TBC1D22A: variants seen among roughly 807,000 people sequenced by gnomAD.
TBC1D22A encodes putative GTPase activator.
A neutral mutation model predicts 60.2 loss-of-function variants in TBC1D22A; 38 were observed. The ratio of observed to expected loss-of-function variants is 0.63; its 90% CI spans 0.49 to 0.83. The LOEUF is 0.83. Among genes scored for constraint, TBC1D22A ranks in the 40% least tolerant of loss-of-function variants. The probability of loss-of-function intolerance (pLI) is 0.00; values close to 1 mark genes in which losing one functional copy is unlikely to be tolerated. For synonymous variants in TBC1D22A, 302 were observed against 281.7 expected (o/e 1.07, Z -0.72); for missense variants, 628 against 701.0 (o/e 0.90, Z 1.18).
intron 10 of TBC1D22A, among the ~76,000 whole-genome samples, chr22:47,032,775 T>G (rs941235206): frequency 1.3e-5 from 2 of 152,196 alleles, no homozygotes; most frequent in Non-Finnish European, 2.9e-5. Context: ...CAGAGCTTCA[T>G]TCACGCCAGT....
At chr22:47,034,967 C>T (rs1028869661) in intron 10 of TBC1D22A, among the ~76,000 whole-genome samples, 4 of 152,120 alleles carry the variant, frequency 2.6e-5, no homozygotes, top group African/African-American at 4.8e-5. Context: ...GAGGCACCAG[C>T]GTTCCCAGCC....
At chr22:46,958,114 G>A (rs6009071) in intron 8 of TBC1D22A, among the ~76,000 whole-genome samples, 19,367 of 152,122 alleles carry the variant, frequency 0.13, 3,022 homozygotes, top group African/African-American at 0.38. Flanking sequence ...AGTGTTGAGT[G>A]TGGCTCTCAT....
intron 8 of TBC1D22A, chr22:46,913,571 G>C: frequency 1.7e-6 from 2 of 1,185,164 alleles, no homozygotes; most frequent in Non-Finnish European, 2.1e-6. Flanking sequence ...TCTTAAGTAG[G>C]GGAGAGGCTA....
chr22:46,987,682 C>T (rs1045863094), intron 9 of TBC1D22A, among the ~76,000 whole-genome samples: 14 of 152,284 alleles, frequency 9.2e-5, no homozygotes, highest in South Asian at 2.1e-4. Context: ...ATCATCTGAG[C>T]CTTCAGCAAG....
chr22:46,932,720 CTTTTTT>C (rs67463903), intron 8 of TBC1D22A, among the ~76,000 whole-genome samples: 4 of 66,320 alleles, frequency 6.0e-5, no homozygotes, highest in African/African-American at 2.7e-4. Flanking sequence ...GTCCTTCTTG[CTTTTTT>C]TTTTTTTTTT....
chr22:47,125,798 C>A (rs2066431309), intron 12 of TBC1D22A, among the ~76,000 whole-genome samples: 1 of 152,198 alleles, frequency 6.6e-6, no homozygotes. Context: ...TGGAGAGGGA[C>A]CCGCATGCGG....
At chr22:46,968,538 G>A (rs112976825) in intron 8 of TBC1D22A, among the ~76,000 whole-genome samples, 1 of 147,604 alleles carries the variant, frequency 6.8e-6, no homozygotes, top group Non-Finnish European at 1.5e-5. Flanking sequence ...CTCACTGCGT[G>A]GCCGGCGGTC....
At chr22:46,861,482 G>C (rs761201166) in intron 4 of TBC1D22A, among the ~76,000 whole-genome samples, 10 of 152,176 alleles carry the variant, frequency 6.6e-5, no homozygotes, top group Non-Finnish European at 1.3e-4. Context: ...AGACCCCAGG[G>C]GGCCCTCCCC....
chr22:46,864,347 G>A (rs553501572), intron 4 of TBC1D22A, among the ~76,000 whole-genome samples: 21 of 152,156 alleles, frequency 1.4e-4, no homozygotes, highest in Non-Finnish European at 1.5e-4. Context: ...CCCTTGCTGC[G>A]GTTTGGGCTC....
chr22:46,814,024 C>T (rs1022836223), intron 4 of TBC1D22A, among the ~76,000 whole-genome samples: 3 of 152,240 alleles, frequency 2.0e-5, no homozygotes, highest in African/African-American at 7.2e-5. Context: ...TCTGCCTTTC[C>T]GCAGCCCTTG....
In TBC1D22A at chr22:46,990,231, A is replaced by G. The variant is rs1473403915; in HGVS notation, c.1126-7403A>G. Among the ~76,000 whole-genome samples the G allele has an allele frequency of 6.6e-6, 1 of 152,216 alleles. No homozygotes were observed. The highest frequency in any genetic ancestry group is 2.4e-5 in the African/African-American group (1 of 41,456). The stretch of plus-strand genomic sequence containing the variant: ...TCTAATCTGTCCAACCTAATTATTT[A>G]TACGGTTGGGGTTTAGGTTGCCATT... On this transcript the variant is annotated intron_variant, in intron 9 of 12. Coordinates refer to ENST00000337137, the MANE Select transcript of TBC1D22A (RefSeq NM_014346.5). This position sits in a 1 kb window ranked among gnomAD's most constrained non-coding sequence, Gnocchi z 4.6.
chr22:47,092,789 G>T (rs1412109134), intron 11 of TBC1D22A, among the ~76,000 whole-genome samples: 1 of 152,214 alleles, frequency 6.6e-6, no homozygotes, highest in African/African-American at 2.4e-5. Flanking sequence ...GTCATTTCTT[G>T]CTTCAAAGAA....
In TBC1D22A at chr22:46,845,632, T is replaced by C. The variant is rs551012739; in HGVS notation, c.638-33021T>C. ...TAAAGCTTATAAATCTAGTTTATCA[T>C]ATCTATCATTTAATTGTTCATGCAA... On this transcript the variant is annotated intron_variant, in intron 4 of 12. Transcript: ENST00000337137. 4.6e-5 allele frequency among the ~76,000 whole-genome samples: 7 copies of C among 152,364 alleles called. No individual in the cohort carries two copies. The South Asian group carries it at 8.3e-4, about 18-fold the overall frequency.
At position 46,878,736 on chromosome 22, in the gene TBC1D22A, G is replaced by T. The variant is rs1323763518; in HGVS notation, c.708+13G>T. On this transcript the variant is annotated intron_variant, in intron 5 of 12. Transcript: ENST00000337137. ...GAAGCTCCTCTCAGTAAGTCCCACC[G>T]CACCGCCCATCAGCGCCTCCTTCCT... 1 of 1,612,172 alleles carries T rather than the reference G, an allele frequency of 6.2e-7. No individual in the cohort carries two copies. Among genetic ancestry groups the T allele is most frequent in the South Asian group, 1.1e-5 (1 of 91,068 alleles).
chr22:46,950,662 A>C (rs1208266187), intron 8 of TBC1D22A, among the ~76,000 whole-genome samples: 6 of 152,140 alleles, frequency 3.9e-5, no homozygotes. Context: ...GAACAACAGG[A>C]GGATGGTGGT....
chr22:46,817,970 T>C (rs2085674092), intron 4 of TBC1D22A, among the ~76,000 whole-genome samples: 1 of 152,228 alleles, frequency 6.6e-6, no homozygotes, highest in Non-Finnish European at 1.5e-5. Context: ...TGAGATGGTG[T>C]CTCATTGTGG....
At chr22:47,061,153 C>T (rs759907829) in intron 11 of TBC1D22A, among the ~76,000 whole-genome samples, 211 of 150,066 alleles carry the variant, frequency 1.4e-3, no homozygotes, top group Non-Finnish European at 1.9e-3. Flanking sequence ...CTGTCTTCCT[C>T]GGTGCCCTCA....
In TBC1D22A at chr22:47,169,352, A is replaced by G. The variant is rs115375148; in HGVS notation, c.1426-4146A>G. ...TCCGAGAGTGTCTAGGGCACACCCAAGTCGCCCACCATCCTGAGAACCAAC... is the reference window on the plus strand; with the variant it reads ...TCCGAGAGTGTCTAGGGCACACCCAGGTCGCCCACCATCCTGAGAACCAAC... On this transcript the variant is annotated intron_variant, in intron 12 of 12. Coordinates refer to ENST00000337137, the MANE Select transcript of TBC1D22A (RefSeq NM_014346.5). 4.3e-3 allele frequency among the ~76,000 whole-genome samples: 661 copies of G among 152,274 alleles called. 2 individuals carry two copies. Among genetic ancestry groups the G allele is most frequent in the South Asian group, 0.014 (68 of 4,826 alleles).
intron 11 of TBC1D22A, among the ~76,000 whole-genome samples, chr22:47,076,406 CACATAT>C (rs1271589299): frequency 0.017 from 1,879 of 110,786 alleles, 44 homozygotes; most frequent in African/African-American, 0.059. Context: ...CACACACACA[CACATAT>C]ATATATATAT....
Sources: gnomAD v4.1 joint callset for allele counts (sites outside exome capture counted in the v4.1 genomes callset) on GRCh38, gnomAD v4.1.1 for gene constraint, Gnocchi (gnomAD v3.1) non-coding constraint, MANE v1.5 for transcripts, NCBI Gene and HGNC (gene_info 2026-07-23, HGNC 2026-07-21) for gene names.